Variants in WWP2 observed in about 807,000 individuals in gnomAD.
WWP2 encodes the protein NEDD4-like E3 ubiquitin-protein ligase WWP2.
In WWP2, 57 loss-of-function variants were observed where a neutral mutation model predicts 121.0. The ratio of observed to expected loss-of-function variants is 0.47; its 90% CI spans 0.38 to 0.59. The LOEUF is 0.59. Among genes scored for constraint, WWP2 ranks in the 20% least tolerant of loss-of-function variants. The pLI is 0.00. For synonymous variants in WWP2, 449 were observed against 441.3 expected, an observed-to-expected ratio of 1.02 and a Z score of -0.22; for missense variants, 962 against 1,158.9, an observed-to-expected ratio of 0.83 and a Z score of 2.47.
At chr16:69,837,190 G>A (rs2056892228) in intron 4 of WWP2, among the ~76,000 whole-genome samples, 1 of 152,334 alleles carries the variant, frequency 6.6e-6, no homozygotes, top group East Asian at 1.9e-4. Flanking sequence ...CTCCCAAAGT[G>A]CTGGGATTAC....
intron 6 of WWP2, among the ~76,000 whole-genome samples, chr16:69,859,701 C>T (rs1346767893): frequency 6.6e-6 from 1 of 152,150 alleles, no homozygotes; most frequent in African/African-American, 2.4e-5. Context: ...GCCCCGACCC[C>T]TGCATTCCTT....
chr16:69,930,331 G>A (rs1429470471), intron 13 of WWP2, 73 bp downstream of exon 13: 2 of 1,582,348 alleles, frequency 1.3e-6, no homozygotes, highest in Non-Finnish European at 1.7e-6. Context: ...GCTCTGGGAG[G>A]CCCACTTTGG....
intron 6 of WWP2, among the ~76,000 whole-genome samples, chr16:69,859,411 T>C (rs563674267): frequency 6.6e-6 from 1 of 152,090 alleles, no homozygotes; most frequent in South Asian, 2.1e-4. Context: ...AGAAATTAGC[T>C]AGGCATGGTG....
intron 4 of WWP2, among the ~76,000 whole-genome samples, chr16:69,824,518 C>T (rs1482778788): frequency 6.9e-6 from 1 of 144,760 alleles, no homozygotes; most frequent in African/African-American, 2.6e-5. Context: ...CTTCCCCCCT[C>T]CCCCTCCCTC....
intron 8 of WWP2, among the ~76,000 whole-genome samples, chr16:69,905,972 C>A (rs1350405364): frequency 6.6e-6 from 1 of 152,136 alleles, no homozygotes; most frequent in African/African-American, 2.4e-5. Flanking sequence ...TGGTGTTAGC[C>A]TGTAGCTCGT....
At chr16:69,928,142 G>A (rs1224297642) in intron 11 of WWP2, among the ~76,000 whole-genome samples, 1 of 152,172 alleles carries the variant, frequency 6.6e-6, no homozygotes, top group African/African-American at 2.4e-5. Flanking sequence ...GGAGTCAGGA[G>A]GGGGTTGTTG....
At chr16:69,824,522 C>T (rs1264689912) in intron 4 of WWP2, among the ~76,000 whole-genome samples, 1 of 148,718 alleles carries the variant, frequency 6.7e-6, no homozygotes, top group Non-Finnish European at 1.5e-5. Flanking sequence ...CCCCCTCCCC[C>T]TCCCTCCCCC....
rs768135459 is a variant in WWP2, at chr16:69,929,426, T to C, written c.1235-22T>C. ...CTCTCCGTGTTTGAATCTGATGTTCTTTCTTTCTTCTCATGTGGCAGAGAA... is the reference window on the plus strand; with the variant it reads ...CTCTCCGTGTTTGAATCTGATGTTCCTTCTTTCTTCTCATGTGGCAGAGAA... On this transcript the variant is annotated intron_variant, in intron 11 of 23. Coordinates refer to ENST00000359154, the MANE Select transcript of WWP2 (RefSeq NM_001270454.2). 9 of 1,609,418 alleles carry C rather than the reference T, an allele frequency of 5.6e-6. No homozygotes were observed. The Admixed American group carries it at 1.5e-4, about 27-fold the overall frequency.
At chr16:69,814,054 G>A (rs1355548106) in intron 4 of WWP2, among the ~76,000 whole-genome samples, 1 of 152,110 alleles carries the variant, frequency 6.6e-6, no homozygotes, top group East Asian at 1.9e-4. Context: ...AAATTCTCAG[G>A]CCAACAAGCC....
chr16:69,936,299 C>T lies in WWP2; in HGVS notation c.1977-13C>T. The T allele has an allele frequency of 1.2e-6, 2 of 1,614,046 alleles. No individual in the cohort carries two copies. The highest frequency in any genetic ancestry group is 1.7e-6 in the Non-Finnish European group (2 of 1,180,010). ...CGGTAGACATCTCCCCACTTGGTCT[C>T]CTGTGCCCCCAGAGAGAACAACCTG... On this transcript the variant is annotated splice_polypyrimidine_tract_variant and intron_variant, in intron 18 of 23. Transcript: ENST00000359154.
At position 69,937,074 on chromosome 16, in the gene WWP2, G is replaced by C; in HGVS notation, c.2118-44G>C. ...CGGCCTGGCCGGGAGCCACCCCTGA[G>C]CAGTGGGTCTCAGACTCCACCCATG... On this transcript the variant is annotated intron_variant, in intron 19 of 23. Transcript: ENST00000359154. The surrounding 1 kb of genome is among the most constrained non-coding windows in gnomAD (Gnocchi z 6.6). 6.2e-7 allele frequency: 1 copy of C among 1,604,462 alleles called. No homozygotes were observed. Among genetic ancestry groups the C allele is most frequent in the Non-Finnish European group, 8.5e-7 (1 of 1,173,748 alleles).
intron 4 of WWP2, among the ~76,000 whole-genome samples, chr16:69,822,056 AG>A (rs1287332828): frequency 6.6e-6 from 1 of 151,984 alleles, no homozygotes; most frequent in East Asian, 1.9e-4. Flanking sequence ...TTGTAGAGAC[AG>A]GGTCTCCCTT....
intron 6 of WWP2, among the ~76,000 whole-genome samples, chr16:69,848,769 TG>T (rs1488380274): frequency 1.3e-5 from 2 of 152,046 alleles, no homozygotes; most frequent in African/African-American, 4.8e-5. Context: ...AGAGTGTGTA[TG>T]TGTGTGTTTG....
chr16:69,815,723 G>T (rs1053334750), intron 4 of WWP2, among the ~76,000 whole-genome samples: 10 of 150,506 alleles, frequency 6.6e-5, no homozygotes, highest in African/African-American at 2.2e-4. Flanking sequence ...AGAGGCGGAG[G>T]TTGCAGTGAG....
chr16:69,925,116 C>T lies in WWP2; in HGVS notation c.1180-314C>T. On this transcript the variant is annotated intron_variant, in intron 10 of 23. Transcript: ENST00000359154. This position sits in a 1 kb window ranked among gnomAD's most constrained non-coding sequence, Gnocchi z 4.0. ...TGCTTCCCGGGCCTTCCTACCATGC[C>T]AGGGCTGCTCCCTGCCTCCGCCACC... 1 of 1,120,786 alleles carries T rather than the reference C, an allele frequency of 8.9e-7. No individual in the cohort carries two copies. The highest frequency in any genetic ancestry group is 1.1e-6 in the Non-Finnish European group (1 of 915,266). 69.4% of individuals were successfully genotyped at this position (1,120,786 alleles called of 1,614,324 possible). A position where few individuals can be genotyped will look rare whatever the true frequency, so the allele number is the denominator to read the frequency against.
intron 6 of WWP2, among the ~76,000 whole-genome samples, chr16:69,852,491 C>G (rs890854436): frequency 6.6e-6 from 1 of 152,158 alleles, no homozygotes; most frequent in Non-Finnish European, 1.5e-5. Flanking sequence ...CCAGGTTGGT[C>G]TCGAACTCCT....
At chr16:69,920,905 T>G (rs2058552143) in intron 10 of WWP2, among the ~76,000 whole-genome samples, 1 of 152,188 alleles carries the variant, frequency 6.6e-6, no homozygotes, top group African/African-American at 2.4e-5. Context: ...ATTCCCAGAT[T>G]CTGGAGCTCA....
chr16:69,846,049 C>CAAAAAAAAAAAAAAAAAAAAAAAAAAAAA (rs57201672), intron 6 of WWP2, among the ~76,000 whole-genome samples: 1 of 45,596 alleles, frequency 2.2e-5, no homozygotes, highest in Non-Finnish European at 3.6e-5. Context: ...GACTCCATCT[C>CAAAAAAAAAAAAAAAAAAAAAAAAAAAAA]AAAAAAAAAA....
intron 6 of WWP2, among the ~76,000 whole-genome samples, chr16:69,868,479 G>A (rs984833130): frequency 2.6e-5 from 4 of 152,152 alleles, no homozygotes; most frequent in Non-Finnish European, 4.4e-5. Flanking sequence ...GTCTGTCTGA[G>A]GGGTTGACAG....
Sources: allele counts gnomAD v4.1 joint callset (sites outside exome capture counted in the v4.1 genomes callset), GRCh38; gene constraint gnomAD v4.1.1; non-coding constraint Gnocchi (gnomAD v3.1); transcripts MANE v1.5; gene names NCBI Gene and HGNC (gene_info 2026-07-23, HGNC 2026-07-21).